Variants in ARHGEF10 observed in about 807,000 individuals in gnomAD.
ARHGEF10 encodes the protein Rho guanine nucleotide exchange factor (GEF) 10.
In ARHGEF10, 140 loss-of-function variants were observed where a neutral mutation model predicts 147.4. That is an observed-to-expected ratio of 0.95 (90% CI 0.83 to 1.09). ARHGEF10 has a LOEUF of 1.09. Ranked by LOEUF, ARHGEF10 falls within the 50% of genes least tolerant of loss-of-function variation. The pLI is 0.00. For missense variants in ARHGEF10, 2,222 were observed against 1,752.7 expected (o/e 1.27, Z -4.78); for synonymous variants, 902 against 695.8 (o/e 1.30, Z -4.67).
At chr8:1,894,638 T>A in intron 13 of ARHGEF10, 66 bp downstream of exon 13, 1 of 1,570,348 alleles carries the variant, frequency 6.4e-7, no homozygotes, top group Non-Finnish European at 8.7e-7. Flanking sequence ...CTTCCCTTCT[T>A]AGGCTGATGT....
chr8:1,927,823 C>G (rs1248099475), intron 23 of ARHGEF10, among the ~76,000 whole-genome samples: 11 of 152,290 alleles, frequency 7.2e-5, no homozygotes, highest in Non-Finnish European at 1.5e-5. Flanking sequence ...AGCCTATAGT[C>G]CCAGTTTCTC....
At chr8:1,826,862 G>C (rs557081573) in intron 1 of ARHGEF10, among the ~76,000 whole-genome samples, 1 of 152,224 alleles carries the variant, frequency 6.6e-6, no homozygotes, top group Non-Finnish European at 1.5e-5. Flanking sequence ...GGTAAGTGGC[G>C]TGAAATAAGA....
In ARHGEF10 at chr8:1,854,410, G is replaced by A. The variant is rs80060107; in HGVS notation, c.38-3550G>A. 6.6e-5 allele frequency among the ~76,000 whole-genome samples: 10 copies of A among 152,350 alleles called. No homozygotes were observed. In the East Asian group the frequency reaches 1.9e-3, roughly 29 times the overall value. ...GTTACATTGAGCACAACTTCTTTGA[G>A]TTCTTGTAGAAAGGCTATTTTTTTC... On this transcript the variant is annotated intron_variant, in intron 2 of 28. Coordinates refer to ENST00000349830, the MANE Select transcript of ARHGEF10 (RefSeq NM_014629.4).
chr8:1,864,546 C>T (rs1434214803), intron 5 of ARHGEF10, 110 bp downstream of exon 5: 21 of 1,165,256 alleles, frequency 1.8e-5, no homozygotes, highest in South Asian at 3.7e-5. Context: ...CTCTGCGCGG[C>T]GGGAGCTGTC....
chr8:1,929,243 C>T (rs1342451713), intron 24 of ARHGEF10, 43 bp from the exon 25 acceptor site: 1 of 1,598,558 alleles, frequency 6.3e-7, no homozygotes, highest in Non-Finnish European at 8.6e-7. Context: ...GTTCTTGTTA[C>T]AACGAGCAAA....
chr8:1,871,464 C>A (rs373156110), intron 7 of ARHGEF10, among the ~76,000 whole-genome samples: 1 of 151,950 alleles, frequency 6.6e-6, no homozygotes, highest in Non-Finnish European at 1.5e-5. Flanking sequence ...ATAATAAAAA[C>A]ATTACATAAA....
chr8:1,943,913 G>A (rs1330449273), intron 26 of ARHGEF10: 3 of 152,224 alleles, frequency 2.0e-5, no homozygotes, highest in Non-Finnish European at 4.4e-5. Flanking sequence ...TAGAGGTGGG[G>A]CTCTCACTTC....
chr8:1,831,464 A>G (rs1803099305), intron 1 of ARHGEF10, among the ~76,000 whole-genome samples: 1 of 137,448 alleles, frequency 7.3e-6, no homozygotes, highest in African/African-American at 2.8e-5. Context: ...ACGGCCGTGG[A>G]GGGACAGTGT....
chr8:1,876,751 C>T lies in ARHGEF10; in HGVS notation c.843+17C>T, dbSNP rs761017556. 3.1e-6 allele frequency: 5 copies of T among 1,613,898 alleles called. No individual in the cohort carries two copies. Among genetic ancestry groups the T allele is most frequent in the Admixed American group, 3.3e-5 (2 of 60,018 alleles). On this transcript the variant is annotated intron_variant, in intron 8 of 28. Coordinates refer to ENST00000349830, the MANE Select transcript of ARHGEF10 (RefSeq NM_014629.4). ...AAAAAGCAAGTACGTGTTCCCTGCA[C>T]ATGTGAGGGATGGTTCTCTCGCGTT...
intron 25 of ARHGEF10, among the ~76,000 whole-genome samples, chr8:1,930,217 G>A (rs2129227582): frequency 6.6e-6 from 1 of 152,154 alleles, no homozygotes; most frequent in South Asian, 2.1e-4. Flanking sequence ...AACACGCAGG[G>A]CTTCCCTCAC....
intron 18 of ARHGEF10, among the ~76,000 whole-genome samples, chr8:1,922,344 G>A (rs547545194): frequency 4.3e-4 from 65 of 151,830 alleles, no homozygotes; most frequent in African/African-American, 1.5e-3. Flanking sequence ...TATTGGAAAT[G>A]TGGTTCAGAT....
intron 7 of ARHGEF10, chr8:1,870,747 A>C (rs1424611270): frequency 6.6e-6 from 1 of 152,200 alleles, no homozygotes; most frequent in Non-Finnish European, 1.5e-5. Context: ...TTAATCAGAA[A>C]TATGTAAATA....
chr8:1,920,217 C>T (rs559525276), intron 18 of ARHGEF10, among the ~76,000 whole-genome samples: 1 of 152,240 alleles, frequency 6.6e-6, no homozygotes, highest in Non-Finnish European at 1.5e-5. Flanking sequence ...AGCCGCACAC[C>T]AAAAATAGAA....
At chr8:1,886,705 G>A (rs1322885122) in intron 11 of ARHGEF10, among the ~76,000 whole-genome samples, 1 of 152,164 alleles carries the variant, frequency 6.6e-6, no homozygotes, top group Non-Finnish European at 1.5e-5. Flanking sequence ...CCCGGTCCCT[G>A]GTGTGTTTCA....
In ARHGEF10 at chr8:1,890,302, CACTGATGGGGTGAGGGTTGTGAGCAGAT is replaced by C. The variant is rs1176761608; in HGVS notation, c.1183-3261_1183-3234del. On this transcript the variant is annotated intron_variant, in intron 11 of 28. Transcript: ENST00000349830. ...GAGTGGGGTGAGGGTTCTGAGGAGA[CACTGATGGGGTGAGGGTTGTGAGCAGAT>C]ACTGAGTGGGGTGAGAGTTGTGAGG... is the stretch of plus-strand genomic sequence containing the variant. Among the ~76,000 whole-genome samples, 682 of 140,656 alleles carry C rather than the reference CACTGATGGGGTGAGGGTTGTGAGCAGAT, an allele frequency of 4.8e-3. 12 individuals are homozygous for C. The highest frequency in any genetic ancestry group is 0.017 in the African/African-American group (638 of 36,560). 92.3% of individuals were successfully genotyped at this position (140,656 alleles called of 152,430 possible).
At chr8:1,922,496 G>A (rs1206073234) in intron 18 of ARHGEF10, among the ~76,000 whole-genome samples, 2 of 152,132 alleles carry the variant, frequency 1.3e-5, no homozygotes, top group South Asian at 2.1e-4. Flanking sequence ...TGTCAGGGTC[G>A]CGAAAGAGGA....
At chr8:1,944,123 C>T (rs796121143) in intron 26 of ARHGEF10, among the ~76,000 whole-genome samples, 185 of 36,260 alleles carry the variant, frequency 5.1e-3, no homozygotes, top group South Asian at 0.016. Flanking sequence ...GTCGCCTCCC[C>T]CAGGATCCCA....
chr8:1,929,594 G>A (rs1173568160), intron 25 of ARHGEF10, 151 bp downstream of exon 25: 3 of 905,436 alleles, frequency 3.3e-6, no homozygotes, highest in Non-Finnish European at 4.8e-6. Context: ...CAAGGCCCGG[G>A]TGCCTTGCTT....
chr8:1,830,004 TC>T (rs1802991619), intron 1 of ARHGEF10, among the ~76,000 whole-genome samples: 1 of 152,178 alleles, frequency 6.6e-6, no homozygotes, highest in East Asian at 1.9e-4. Context: ...GGTTAGGTTC[TC>T]CAGTGTGCAG....
Sources: allele counts gnomAD v4.1 joint callset (sites outside exome capture counted in the v4.1 genomes callset), GRCh38; gene constraint gnomAD v4.1.1; transcripts MANE v1.5; gene names NCBI Gene and HGNC (gene_info 2026-07-23, HGNC 2026-07-21).